GALM: variants seen among roughly 807,000 people sequenced by gnomAD.
GALM encodes aldose 1-epimerase.
In GALM, 43 loss-of-function variants were observed where a neutral mutation model predicts 37.4. The ratio of observed to expected loss-of-function variants is 1.15; its 90% CI spans 0.90 to 1.48. GALM has a LOEUF of 1.48. Among genes scored for constraint, GALM ranks in the 40% most tolerant of loss-of-function variants. GALM has a pLI of 0.00. For synonymous variants in GALM, 199 were observed against 170.6 expected (o/e 1.17, Z -1.30); for missense variants, 456 against 419.1 (o/e 1.09, Z -0.77).
At chr2:38,724,791 G>C (rs762182173) in intron 4 of GALM, among the ~76,000 whole-genome samples, 6 of 152,098 alleles carry the variant, frequency 3.9e-5, no homozygotes, top group African/African-American at 7.2e-5. Context: ...ATTTATTTAT[G>C]CCAGACTCCT....
chr2:38,706,847 A>T (rs1253509823), intron 4 of GALM, among the ~76,000 whole-genome samples: 1 of 118,830 alleles, frequency 8.4e-6, no homozygotes, highest in African/African-American at 3.3e-5. Flanking sequence ...TCGGCAACAT[A>T]GTGAGACTCC....
chr2:38,733,426 C>T, intron 6 of GALM, 62 bp from the exon 7 acceptor site: 1 of 1,388,096 alleles, frequency 7.2e-7, no homozygotes, highest in Non-Finnish European at 1.0e-6. Flanking sequence ...AGAAGCACAC[C>T]CAAATGGTTA....
intron 4 of GALM, among the ~76,000 whole-genome samples, chr2:38,722,207 G>A (rs887194727): frequency 1.2e-4 from 18 of 151,930 alleles, no homozygotes; most frequent in African/African-American, 4.3e-4. Flanking sequence ...TAAGAAGTCC[G>A]TCATGAGAAT....
chr2:38,692,442 G>A (rs1665699791), intron 4 of GALM, among the ~76,000 whole-genome samples: 1 of 151,958 alleles, frequency 6.6e-6, no homozygotes, highest in African/African-American at 2.4e-5. Context: ...GTAGAGACAG[G>A]GTCTCCCTAT....
intron 1 of GALM, chr2:38,668,955 A>G (rs1666248474): frequency 6.6e-6 from 1 of 152,162 alleles, no homozygotes; most frequent in Non-Finnish European, 1.5e-5. Context: ...AGATATGAAC[A>G]ATCTTCAATT....
intron 4 of GALM, among the ~76,000 whole-genome samples, chr2:38,696,110 A>T (rs1419972302): frequency 6.6e-6 from 1 of 151,518 alleles, no homozygotes; most frequent in Non-Finnish European, 1.5e-5. Context: ...ACAGTAAAAA[A>T]AGTGTAGAGA....
rs1558580019 is a variant in GALM, at chr2:38,681,346, G to A, written c.412G>A (p.Glu138Lys). 1 of 1,614,128 alleles carries A rather than the reference G, an allele frequency of 6.2e-7. No individual in the cohort carries two copies. The highest frequency in any genetic ancestry group is 2.2e-5 in the East Asian group (1 of 44,884). The change falls in exon 3 of 7, where the codon GAA becomes AAA. Residue 138 changes from glutamate (E) to lysine (K), a missense_variant. Physicochemically the swap from Glu to Lys is moderately conservative, Grantham distance 56. Transcript: ENST00000272252. ...CTCGCGCATCAGTCCAGATGGTGAAGAAGGCTACCCCGGAGAGTTAAAAGT... is the reference window on the plus strand; with the variant it reads ...CTCGCGCATCAGTCCAGATGGTGAAAAAGGCTACCCCGGAGAGTTAAAAGT... The part of the protein sequence containing the change: ...QFSRISPDGE[E>K]GYPGELKVWV...
At chr2:38,686,173 G>C (rs1665514184) in intron 3 of GALM, among the ~76,000 whole-genome samples, 1 of 148,128 alleles carries the variant, frequency 6.8e-6, no homozygotes, top group Admixed American at 6.7e-5. Flanking sequence ...TTTTCATGTT[G>C]ATTCATTTCT....
intron 1 of GALM, among the ~76,000 whole-genome samples, chr2:38,675,035 T>G (rs1461829919): frequency 6.6e-6 from 1 of 152,016 alleles, no homozygotes; most frequent in African/African-American, 2.4e-5. Context: ...ATTAGCTTGG[T>G]GTGGTGGTGC....
intron 4 of GALM, among the ~76,000 whole-genome samples, chr2:38,702,861 A>G (rs1002012267): frequency 2.1e-5 from 3 of 144,310 alleles, no homozygotes; most frequent in African/African-American, 7.7e-5. Flanking sequence ...GTCTCTCCAC[A>G]CTCCTCTCTC....
At chr2:38,717,434 C>G (rs1666290983) in intron 4 of GALM, among the ~76,000 whole-genome samples, 1 of 151,926 alleles carries the variant, frequency 6.6e-6, no homozygotes, top group African/African-American at 2.4e-5. Context: ...GAGTCTCACT[C>G]TATCGCCCAG....
chr2:38,720,178 A>C (rs1666349043), intron 4 of GALM, among the ~76,000 whole-genome samples: 1 of 152,008 alleles, frequency 6.6e-6, no homozygotes. Flanking sequence ...ATGCCACCGC[A>C]CTCCGCCTAG....
rs559439593 is a variant in GALM at position 38,713,335 on chromosome 2, G to A, written c.635-16221G>A. On this transcript the variant is annotated intron_variant, in intron 4 of 6. Coordinates refer to ENST00000272252, the MANE Select transcript of GALM (RefSeq NM_138801.3). ...ATACTAGAGCAGTCAGTGGCCATTG[G>A]CTGACTGATCCTAACGGCAGATCTA... Among the ~76,000 whole-genome samples, 3 of 152,250 alleles carry A rather than the reference G, an allele frequency of 2.0e-5. No individual in the cohort carries two copies. In the East Asian group the frequency reaches 5.8e-4, roughly 29 times the overall value.
intron 3 of GALM, among the ~76,000 whole-genome samples, chr2:38,689,197 C>G (rs1346661591): frequency 1.3e-5 from 2 of 152,222 alleles, no homozygotes; most frequent in East Asian, 3.8e-4. Context: ...TCAGGAAGAG[C>G]TGGAACTACA....
At chr2:38,686,241 T>TTTCTTTCTTTCTTTCTTTCTTTCC (rs1665519998) in intron 3 of GALM, among the ~76,000 whole-genome samples, 3 of 93,630 alleles carry the variant, frequency 3.2e-5, no homozygotes, top group African/African-American at 1.9e-4. Context: ...TCTTTCTTTC[T>TTTCTTTCTTTCTTTCTTTCTTTCC]TTCTTTCTTT....
chr2:38,726,813 T>C (rs1666495450), intron 4 of GALM, among the ~76,000 whole-genome samples: 1 of 151,856 alleles, frequency 6.6e-6, no homozygotes, highest in African/African-American at 2.4e-5. Context: ...GAAGAATCGC[T>C]TGAACCTGGG....
Position 38,731,840 on chromosome 2 carries a change from T to C in GALM, c.882T>C (p.Asn294=). The change falls in exon 6 of 7, where the codon AAT becomes AAC. Residue 294 remains asparagine, a synonymous_variant. Transcript: ENST00000272252. The part of the protein sequence containing the change: ...NFLDGTLKGK[N]GAVYPKHSGF... ...TGGATGGCACATTAAAGGGCAAGAA[T>C]GGAGCTGTCTATCCCAAGCACTCCG... 2 of 1,614,122 alleles carry C rather than the reference T, an allele frequency of 1.2e-6. No individual in the cohort carries two copies. The highest frequency in any genetic ancestry group is 2.2e-5 in the South Asian group (2 of 91,084).
At chr2:38,724,747 A>G (rs1464448472) in intron 4 of GALM, among the ~76,000 whole-genome samples, 1 of 152,166 alleles carries the variant, frequency 6.6e-6, no homozygotes, top group Non-Finnish European at 1.5e-5. Context: ...TCTGTGTTCT[A>G]TATGGTAGCC....
At chr2:38,717,833 T>C (rs1666300310) in intron 4 of GALM, among the ~76,000 whole-genome samples, 1 of 151,554 alleles carries the variant, frequency 6.6e-6, no homozygotes, top group Non-Finnish European at 1.5e-5. Flanking sequence ...ACAAATTATA[T>C]AAAACCATTT....
Sources: gnomAD v4.1 joint callset for allele counts (sites outside exome capture counted in the v4.1 genomes callset) on GRCh38, gnomAD v4.1.1 for gene constraint, MANE v1.5 for transcripts, NCBI Gene and HGNC (gene_info 2026-07-23, HGNC 2026-07-21) for gene names.